ARHGAP10: variants seen among roughly 807,000 people sequenced by gnomAD.
ARHGAP10 encodes Rho GTPase activating protein 10.
A neutral mutation model predicts 108.6 loss-of-function variants in ARHGAP10; 87 were observed. The observed-to-expected ratio is 0.80, with a 90% CI of 0.67 to 0.96. The LOEUF (loss-of-function observed/expected upper bound fraction) is 0.96. Ranked by LOEUF, ARHGAP10 falls within the 40% of genes least tolerant of loss-of-function variation. The pLI is 0.00. For missense variants in ARHGAP10, 939 were observed against 954.5 expected (o/e 0.98, Z 0.21); for synonymous variants, 347 against 341.1 (o/e 1.02, Z -0.19).
At chr4:147,794,437 A>T (rs1035771939) in intron 1 of ARHGAP10, among the ~76,000 whole-genome samples, 1 of 152,194 alleles carries the variant, frequency 6.6e-6, no homozygotes, top group East Asian at 1.9e-4. Context: ...TACCACATAT[A>T]TATGTGCACT....
At chr4:148,044,652 C>T (rs1266987786) in intron 19 of ARHGAP10, among the ~76,000 whole-genome samples, 1 of 152,158 alleles carries the variant, frequency 6.6e-6, no homozygotes, top group African/African-American at 2.4e-5. Flanking sequence ...GGAGTCATTG[C>T]TCATGATGAA....
chr4:147,973,671 TC>T (rs1280059809), intron 18 of ARHGAP10, among the ~76,000 whole-genome samples: 1 of 151,064 alleles, frequency 6.6e-6, no homozygotes, highest in Admixed American at 6.6e-5. Context: ...CCATCCCTGC[TC>T]CCCCCGCCAC....
At chr4:148,002,273 A>G (rs977338055) in intron 18 of ARHGAP10, among the ~76,000 whole-genome samples, 3 of 152,164 alleles carry the variant, frequency 2.0e-5, no homozygotes, top group Admixed American at 6.5e-5. Context: ...CCACTTGATC[A>G]TGGTGGATAA....
intron 1 of ARHGAP10, among the ~76,000 whole-genome samples, chr4:147,815,024 G>C (rs930561167): frequency 6.6e-6 from 1 of 152,152 alleles, no homozygotes; most frequent in Non-Finnish European, 1.5e-5. Flanking sequence ...TAAAAGATTT[G>C]TTTGCCCCTA....
Position 147,866,701 on chromosome 4 carries a change from CTG to C in ARHGAP10, c.598-7_598-6del. ...TTTTGTGCTAATATCTCTTTTCTTC[CTG>C]TGTCTTAGATGCTGTCATTTTTTCA... On this transcript the variant is annotated splice_polypyrimidine_tract_variant and intron_variant, in intron 6 of 22. Coordinates refer to ENST00000336498, the MANE Select transcript of ARHGAP10 (RefSeq NM_024605.4). 6.3e-7 allele frequency: 1 copy of C among 1,594,178 alleles called. No individual in the cohort carries two copies. Among genetic ancestry groups the C allele is most frequent in the East Asian group, 2.2e-5 (1 of 44,612 alleles).
chr4:148,037,820 T>C (rs1026662148), intron 19 of ARHGAP10, among the ~76,000 whole-genome samples: 1 of 145,140 alleles, frequency 6.9e-6, no homozygotes. Context: ...GGTGACAGGG[T>C]GAGACTCCGT....
At chr4:147,831,520 T>A (rs1732952976) in intron 3 of ARHGAP10, among the ~76,000 whole-genome samples, 1 of 152,216 alleles carries the variant, frequency 6.6e-6, no homozygotes, top group Non-Finnish European at 1.5e-5. Context: ...TTTATGTGGA[T>A]TTCTGTTGGC....
At chr4:147,989,043 G>A (rs1021776257) in intron 18 of ARHGAP10, among the ~76,000 whole-genome samples, 7 of 152,142 alleles carry the variant, frequency 4.6e-5, no homozygotes, top group African/African-American at 1.4e-4. Flanking sequence ...CCTAAGTGTC[G>A]ACTGGCTTGA....
At chr4:147,916,233 G>A (rs936932640) in intron 13 of ARHGAP10, among the ~76,000 whole-genome samples, 2 of 152,058 alleles carry the variant, frequency 1.3e-5, no homozygotes, top group African/African-American at 4.8e-5. Flanking sequence ...TATTTCATAT[G>A]GTTCGGTTAA....
chr4:147,921,565 C>A (rs1737233486), intron 13 of ARHGAP10, among the ~76,000 whole-genome samples: 1 of 151,956 alleles, frequency 6.6e-6, no homozygotes, highest in South Asian at 2.1e-4. Context: ...TGACAGAGAG[C>A]ATGTGGATGT....
At chr4:148,068,398 A>G (rs1337456950) in intron 22 of ARHGAP10, among the ~76,000 whole-genome samples, 2 of 152,182 alleles carry the variant, frequency 1.3e-5, no homozygotes, top group Non-Finnish European at 2.9e-5. Context: ...TAATCCCTGG[A>G]AAACAATTTG....
At chr4:147,928,801 GA>G (rs1737559899) in intron 13 of ARHGAP10, among the ~76,000 whole-genome samples, 1 of 152,196 alleles carries the variant, frequency 6.6e-6, no homozygotes, top group African/African-American at 2.4e-5. Context: ...TGGCTATTTT[GA>G]AATTAATTTT....
At chr4:147,836,503 A>G (rs1443854123) in intron 3 of ARHGAP10, among the ~76,000 whole-genome samples, 1 of 152,194 alleles carries the variant, frequency 6.6e-6, no homozygotes, top group African/African-American at 2.4e-5. Flanking sequence ...TTATTATGTG[A>G]GTCGTCTTTG....
intron 3 of ARHGAP10, among the ~76,000 whole-genome samples, chr4:147,827,966 C>T (rs1442165307): frequency 1.3e-5 from 2 of 152,070 alleles, no homozygotes; most frequent in Non-Finnish European, 2.9e-5. Flanking sequence ...CCACCACGCC[C>T]AGCTCATTTT....
Position 147,847,217 on chromosome 4 carries a change from G to C in ARHGAP10, c.379G>C (p.Val127Leu). ...ATTCAGAAAAGAGCAACTTGGAGCT[G>C]TAAAGGTTTGTGTCTAATTTGAATA... The part of the protein sequence containing the change: ...EKFRKEQLGA[V>L]KEEKKKFDKE... Residue 127 changes from valine to leucine, a missense_variant, in exon 4 of 23, where the codon GTA becomes CTA. Val to Leu is a conservative substitution (Grantham distance 32). Coordinates refer to ENST00000336498, the MANE Select transcript of ARHGAP10 (RefSeq NM_024605.4). 1 of 1,610,932 alleles carries C rather than the reference G, an allele frequency of 6.2e-7. No homozygotes were observed. Among genetic ancestry groups the C allele is most frequent in the Non-Finnish European group, 8.5e-7 (1 of 1,177,266 alleles).
intron 7 of ARHGAP10, among the ~76,000 whole-genome samples, chr4:147,869,915 C>T (rs1734733248): frequency 6.6e-6 from 1 of 151,870 alleles, no homozygotes; most frequent in African/African-American, 2.4e-5. Context: ...CCATTCATCT[C>T]ATTCCTTGAT....
chr4:147,964,753 C>T (rs766049649), intron 16 of ARHGAP10, among the ~76,000 whole-genome samples: 13 of 152,236 alleles, frequency 8.5e-5, no homozygotes, highest in South Asian at 2.1e-4. Context: ...AGCAGCTGTC[C>T]GTTCTGTAAT....
chr4:147,958,677 T>C (rs1320891048), intron 16 of ARHGAP10, among the ~76,000 whole-genome samples: 6 of 152,240 alleles, frequency 3.9e-5, no homozygotes, highest in Admixed American at 1.3e-4. Context: ...AATGCAACAC[T>C]TGATGTCTGT....
chr4:147,830,299 T>C (rs1178133632), intron 3 of ARHGAP10, among the ~76,000 whole-genome samples: 1 of 152,126 alleles, frequency 6.6e-6, no homozygotes, highest in Non-Finnish European at 1.5e-5. Flanking sequence ...TGTTAGCATT[T>C]AGATGGTCGG....
Sources: gnomAD v4.1 joint callset for allele counts (sites outside exome capture counted in the v4.1 genomes callset) on GRCh38, gnomAD v4.1.1 for gene constraint, MANE v1.5 for transcripts, NCBI Gene and HGNC (gene_info 2026-07-23, HGNC 2026-07-21) for gene names.